MROH1: variants seen among roughly 807,000 people sequenced by gnomAD.
MROH1 encodes maestro heat like repeat family member 1, also known as maestro heat-like repeat-containing protein family member 1.
Under a neutral mutation model 116.5 loss-of-function variants are expected in MROH1, and 117 were observed. The observed-to-expected ratio is 1.00, with a 90% CI of 0.86 to 1.17. The LOEUF is 1.17. Ranked by LOEUF, MROH1 falls within the 50% of genes most tolerant of loss-of-function variation. MROH1 has a pLI of 0.00. For missense variants in MROH1, 1,873 were observed against 1,338.5 expected, an observed-to-expected ratio of 1.40 and a Z score of -6.23; for synonymous variants, 921 against 583.9, an observed-to-expected ratio of 1.58 and a Z score of -8.32.
At chr8:144,260,134 G>A (rs1844736165) in intron 38 of MROH1, 52 bp from the exon 39 acceptor site, 2 of 757,842 alleles carry the variant, frequency 2.6e-6, no homozygotes, top group Admixed American at 1.7e-5. Context: ...CCTGTCTTGT[G>A]GGGTAGCAGA....
At chr8:144,248,845 T>A (rs1371639477) in intron 31 of MROH1, 32 bp from the exon 32 acceptor site, 21 of 774,572 alleles carry the variant, frequency 2.7e-5, no homozygotes, top group Non-Finnish European at 4.6e-5. Flanking sequence ...GTGCCCCCCT[T>A]CCCTCAACCT....
In MROH1 at chr8:144,260,775, G is replaced by A. The variant is rs1844891028; in HGVS notation, c.4479G>A (p.Val1493=). Residue 1493 remains valine, a synonymous_variant, in exon 40 of 44, where the codon GTG becomes GTA. Coordinates refer to ENST00000326134, the MANE Select transcript of MROH1 (RefSeq NM_032450.3). ...AGGACGTCTTCCTGGACCAGGTGGT[G>A]GGCGGGCTGGCGCCCCTGCTGCTGC... The part of the protein sequence containing the change: ...DCEDVFLDQV[V]GGLAPLLLHL... The A allele has an allele frequency of 2.6e-6, 2 of 778,720 alleles. No homozygotes were observed. Among genetic ancestry groups the A allele is most frequent in the East Asian group, 2.4e-5 (1 of 41,244 alleles). 48.2% of individuals were successfully genotyped at this position (778,720 alleles called of 1,614,324 possible). A position where few individuals can be genotyped will look rare whatever the true frequency, so the allele number is the denominator to read the frequency against.
At position 144,180,433 on chromosome 8, in the gene MROH1, G is replaced by A. The variant is rs148561089; in HGVS notation, c.472G>A (p.Val158Ile). ...GGTGTCCTCTCTCACAGCGTTCGGC[G>A]TAGTCCCCTTCCTGCCATCCGTCCT... ...ASLSVANAFGVVPFLPSVLSS... is the reference protein window; with the variant it reads ...ASLSVANAFGIVPFLPSVLSS... Residue 158 changes from valine to isoleucine, a missense_variant, in exon 7 of 44, where the codon GTA becomes ATA. Transcript: ENST00000326134. This position sits in a 1 kb window ranked among gnomAD's most constrained non-coding sequence, Gnocchi z 7.4. 6.3e-5 allele frequency: 101 copies of A among 1,613,074 alleles called. No homozygotes were observed. The highest frequency in any genetic ancestry group is 7.1e-5 in the Non-Finnish European group (84 of 1,179,792).
intron 12 of MROH1, among the ~76,000 whole-genome samples, chr8:144,210,523 C>A (rs936183661): frequency 6.6e-6 from 1 of 152,156 alleles, no homozygotes; most frequent in Admixed American, 6.6e-5. Flanking sequence ...GAAACCCCAT[C>A]TCTACTAAAA....
intron 4 of MROH1, among the ~76,000 whole-genome samples, chr8:144,178,517 C>T (rs1824692634): frequency 6.6e-6 from 1 of 152,162 alleles, no homozygotes; most frequent in African/African-American, 2.4e-5. Context: ...GATCCGCCCG[C>T]CTCGGCCTCC....
chr8:144,151,629 A>G (rs936997624), intron 1 of MROH1, among the ~76,000 whole-genome samples: 9 of 152,230 alleles, frequency 5.9e-5, no homozygotes, highest in Non-Finnish European at 1.2e-4. Context: ...CCCGGGATAC[A>G]AAAAGCCCTC....
At position 144,241,125 on chromosome 8, in the gene MROH1, C is replaced by G; in HGVS notation, c.2055+14C>G. ...GCAGAACGCGAGGTGGGGCCGCTTTCCCTGCAGAAGCCCCAGACACCCCAG... is the reference window on the plus strand; with the variant it reads ...GCAGAACGCGAGGTGGGGCCGCTTTGCCTGCAGAAGCCCCAGACACCCCAG... On this transcript the variant is annotated intron_variant, in intron 21 of 43. Transcript: ENST00000326134. The G allele has an allele frequency of 1.3e-6, 1 of 744,300 alleles. No homozygotes were observed. The highest frequency in any genetic ancestry group is 2.5e-6 in the Non-Finnish European group (1 of 401,378). The allele number at this position is 744,300 out of a possible 1,614,324, so 46.1% of individuals were successfully genotyped here.
intron 11 of MROH1, among the ~76,000 whole-genome samples, chr8:144,199,812 C>T (rs1402041371): frequency 6.6e-6 from 1 of 152,194 alleles, no homozygotes; most frequent in Non-Finnish European, 1.5e-5. Flanking sequence ...TGAGCATCTA[C>T]CCTTACACAA....
Position 144,182,095 on chromosome 8 carries a change from G to T in MROH1, c.562+1572G>T, listed in dbSNP as rs1180912602. ...AACGTTCCCTGTTTGCATCTGGAGG[G>T]GTTGGTGGTCCTGCTGGCTGGAGCA... On this transcript the variant is annotated intron_variant, in intron 7 of 43. Transcript: ENST00000326134. This position sits in a 1 kb window ranked among gnomAD's most constrained non-coding sequence, Gnocchi z 4.1. Among the ~76,000 whole-genome samples, 2 of 152,250 alleles carry T rather than the reference G, an allele frequency of 1.3e-5. No individual in the cohort carries two copies. The highest frequency in any genetic ancestry group is 4.8e-5 in the African/African-American group (2 of 41,466).
At chr8:144,240,817 G>T (rs1840850756) in intron 20 of MROH1, 140 bp downstream of exon 20, 7 of 678,478 alleles carry the variant, frequency 1.0e-5, no homozygotes, top group South Asian at 8.1e-5. Flanking sequence ...TGAGGGCCAG[G>T]AGTGCGAGAG....
At chr8:144,154,003 G>A (rs1033032618) in intron 1 of MROH1, among the ~76,000 whole-genome samples, 7 of 152,160 alleles carry the variant, frequency 4.6e-5, no homozygotes, top group Non-Finnish European at 5.9e-5. Flanking sequence ...CTCGTGATCC[G>A]CCCACCTTGG....
intron 1 of MROH1, among the ~76,000 whole-genome samples, chr8:144,149,318 G>C (rs1816177088): frequency 6.6e-6 from 1 of 152,144 alleles, no homozygotes; most frequent in African/African-American, 2.4e-5. Flanking sequence ...TTTGATGTCA[G>C]AGTGGAATGA....
chr8:144,219,216 G>T (rs1836190813), intron 12 of MROH1, among the ~76,000 whole-genome samples: 1 of 152,122 alleles, frequency 6.6e-6, no homozygotes, highest in South Asian at 2.1e-4. Flanking sequence ...TAGAGACAAG[G>T]TTTCACTGTG....
chr8:144,239,892 A>C, intron 18 of MROH1, 137 bp downstream of exon 18: 1 of 672,482 alleles, frequency 1.5e-6, no homozygotes, highest in Non-Finnish European at 2.7e-6. Flanking sequence ...ATAATTGGAA[A>C]ATACAGTCTC....
chr8:144,258,142 G>A (rs1342591963), intron 35 of MROH1, among the ~76,000 whole-genome samples: 1 of 152,224 alleles, frequency 6.6e-6, no homozygotes, highest in Non-Finnish European at 1.5e-5. Context: ...CCAGTTTCTG[G>A]CCCAGCCACT....
Position 144,248,986 on chromosome 8 carries a change from T to TCAA in MROH1, c.3232_3234dup (p.Asn1078dup). 1 of 728,810 alleles carries TCAA rather than the reference T, an allele frequency of 1.4e-6. No homozygotes were observed. Among genetic ancestry groups the TCAA allele is most frequent in the Non-Finnish European group, 2.6e-6 (1 of 391,310 alleles). 45.1% of individuals were successfully genotyped at this position (728,810 alleles called of 1,614,324 possible). ...TGCTCCCGAGCAGCTACCGTCATGA[T>TCAA]CAACTGCCTGCTGCAGGAGCGGGGC... is the stretch of plus-strand genomic sequence containing the variant. On this transcript the variant is annotated inframe_insertion, in exon 32 of 44. Coordinates refer to ENST00000326134, the MANE Select transcript of MROH1 (RefSeq NM_032450.3).
In MROH1 at chr8:144,180,785, G is replaced by T. The variant is rs962802727; in HGVS notation, c.562+262G>T. 3.9e-5 allele frequency among the ~76,000 whole-genome samples: 6 copies of T among 152,108 alleles called. No homozygotes were observed. Among genetic ancestry groups the T allele is most frequent in the African/African-American group, 1.4e-4 (6 of 41,414 alleles). On this transcript the variant is annotated intron_variant, in intron 7 of 43. Coordinates refer to ENST00000326134, the MANE Select transcript of MROH1 (RefSeq NM_032450.3). This position sits in a 1 kb window ranked among gnomAD's most constrained non-coding sequence, Gnocchi z 7.4. ...GTCCACTGAGGGCTGGACGTGCCTG[G>T]GGGGTAGGAAGAGACTTCCTCGAAG...
At chr8:144,234,290 G>A (rs1839559180) in intron 14 of MROH1, among the ~76,000 whole-genome samples, 1 of 152,044 alleles carries the variant, frequency 6.6e-6, no homozygotes, top group Admixed American at 6.6e-5. Context: ...ATTAAGGCGT[G>A]AGCCACCGCG....
chr8:144,240,504 C>T (rs1466626188), intron 19 of MROH1, 66 bp from the exon 20 acceptor site: 1 of 709,716 alleles, frequency 1.4e-6, no homozygotes, highest in Admixed American at 2.0e-5. Context: ...TGGGGATGTG[C>T]CCAGGCTCCA....
Sources: allele counts gnomAD v4.1 joint callset (sites outside exome capture counted in the v4.1 genomes callset), GRCh38; gene constraint gnomAD v4.1.1; non-coding constraint Gnocchi (gnomAD v3.1); transcripts MANE v1.5; gene names NCBI Gene and HGNC (gene_info 2026-07-23, HGNC 2026-07-21).